RALGAPA1: variants seen among roughly 807,000 people sequenced by gnomAD.
RALGAPA1 encodes Ral GTPase activating protein catalytic subunit alpha 1.
RALGAPA1 carries 52 observed loss-of-function variants against 269.6 expected under a neutral mutation model. The ratio of observed to expected loss-of-function variants is 0.19; its 90% CI spans 0.15 to 0.24. RALGAPA1 has a LOEUF of 0.24. RALGAPA1 is among the 10% of genes least tolerant of loss of function. RALGAPA1 has a pLI of 1.00. For missense variants in RALGAPA1, 1,917 were observed against 3,013.9 expected (o/e 0.64, Z 8.52); for synonymous variants, 817 against 1,008.3 (o/e 0.81, Z 3.60).
At chr14:35,561,625 A>C (rs981253264) in intron 39 of RALGAPA1, among the ~76,000 whole-genome samples, 2 of 148,550 alleles carry the variant, frequency 1.3e-5, no homozygotes, top group Non-Finnish European at 3.0e-5. Flanking sequence ...CTCATCCCTC[A>C]AGCCTCCTGA....
intron 4 of RALGAPA1, among the ~76,000 whole-genome samples, chr14:35,765,116 C>T (rs998469908): frequency 3.5e-4 from 53 of 152,300 alleles, no homozygotes; most frequent in Middle Eastern, 3.4e-3. Context: ...AATGCCATCT[C>T]AATCATATTT....
Position 35,674,566 on chromosome 14 carries a change from G to A in RALGAPA1, c.4768C>T (p.His1590Tyr), listed in dbSNP as rs1282725586. Residue 1590 changes from histidine (H) to tyrosine (Y), a missense_variant, in exon 23 of 42, where the codon CAT (histidine) becomes TAT (tyrosine). Transcript: ENST00000680220. ...DVNSIMDPEI[H>Y]AQVFDYLCEL... ...CAGAGGTAATCAAAAACTTGAGCAT[G>A]TATTTCAGGATCCATGATTGAATTT... is the stretch of plus-strand genomic sequence containing the variant. 6.2e-7 allele frequency: 1 copy of A among 1,608,012 alleles called. No homozygotes were observed. Among genetic ancestry groups the A allele is most frequent in the Admixed American group, 1.7e-5 (1 of 59,014 alleles).
Position 35,789,916 on chromosome 14 carries a change from C to T in RALGAPA1, c.107-14171G>A, listed in dbSNP as rs578063128. Reference sequence around the variant, plus strand: ...CTCTGGGCCCATGAAGTAGTCACCACGAGCAAAGCTCACCCTCCTGAGTTG... The same window carrying T: ...CTCTGGGCCCATGAAGTAGTCACCATGAGCAAAGCTCACCCTCCTGAGTTG... On this transcript the variant is annotated intron_variant, in intron 1 of 41. Transcript: ENST00000680220. Among the ~76,000 whole-genome samples the T allele has an allele frequency of 4.6e-5, 7 of 152,230 alleles. 1 individual carries two copies. The South Asian group carries it at 6.2e-4, about 14-fold the overall frequency.
chr14:35,623,150 A>G (rs938461693), intron 35 of RALGAPA1, among the ~76,000 whole-genome samples: 11 of 152,134 alleles, frequency 7.2e-5, no homozygotes, highest in African/African-American at 2.4e-4. Context: ...TGATTTCAAG[A>G]CAGAACTGTT....
In RALGAPA1 at chr14:35,654,350, A is replaced by G. The variant is rs2063036538; in HGVS notation, c.5607+17T>C. On this transcript the variant is annotated intron_variant, in intron 30 of 41. Transcript: ENST00000680220. ...AAATTTAACAAGGTCATAATAAATA[A>G]ATGAGAAATTACTTACTTGAATAAT... 6.4e-7 allele frequency: 1 copy of G among 1,570,320 alleles called. No homozygotes were observed.
At chr14:35,739,285 TAA>T in intron 11 of RALGAPA1, among the ~76,000 whole-genome samples, 1 of 152,304 alleles carries the variant, frequency 6.6e-6, no homozygotes, top group South Asian at 2.1e-4. Context: ...TTTAAATAGT[TAA>T]GTTTTACAAA....
At chr14:35,665,575 T>C (rs1424907700) in intron 26 of RALGAPA1, among the ~76,000 whole-genome samples, 1 of 152,158 alleles carries the variant, frequency 6.6e-6, no homozygotes, top group African/African-American at 2.4e-5. Context: ...TCTGAATAAA[T>C]ACTGTAATAG....
At chr14:35,567,804 T>C (rs1193135035) in intron 39 of RALGAPA1, among the ~76,000 whole-genome samples, 9 of 152,260 alleles carry the variant, frequency 5.9e-5, no homozygotes, top group East Asian at 1.9e-4. Context: ...AAGAGGCAAA[T>C]AGAGTTTTGC....
In RALGAPA1 at chr14:35,786,501, G is replaced by C. The variant is rs561120464; in HGVS notation, c.107-10756C>G. 1.2e-3 allele frequency among the ~76,000 whole-genome samples: 183 copies of C among 152,082 alleles called. 1 individual carries two copies. Among genetic ancestry groups the C allele is most frequent in the Non-Finnish European group, 2.4e-3 (162 of 68,004 alleles). ...AAAATACAAAAAATTAGCCGGGCGT[G>C]CTGGCAGGCGCCTGTAGTCCCAGCT... On this transcript the variant is annotated intron_variant, in intron 1 of 41. Transcript: ENST00000680220.
chr14:35,678,078 T>C lies in RALGAPA1; in HGVS notation c.4496A>G (p.His1499Arg). 1 of 1,606,608 alleles carries C rather than the reference T, an allele frequency of 6.2e-7. No homozygotes were observed. The highest frequency in any genetic ancestry group is 8.5e-7 in the Non-Finnish European group (1 of 1,178,344). The stretch of plus-strand genomic sequence containing the variant: ...CTGTGACCTGGAGCCCAGAGGTGAG[T>C]GGACTGGGGAAGCACTTTCTGAACC... ...ITGSESASPV[H>R]SPLGSRSQTP... Residue 1499 changes from histidine (H) to arginine (R), a missense_variant, in exon 22 of 42, where the codon CAC (histidine) becomes CGC (arginine). Coordinates refer to ENST00000680220, the MANE Select transcript of RALGAPA1 (RefSeq NM_001346249.2).
chr14:35,742,590 A>G, intron 10 of RALGAPA1, 25 bp from the exon 11 acceptor site: 6 of 1,517,796 alleles, frequency 4.0e-6, no homozygotes, highest in Non-Finnish European at 5.5e-6. Flanking sequence ...GAGAATCAAG[A>G]TAATGATACT....
intron 39 of RALGAPA1, among the ~76,000 whole-genome samples, chr14:35,558,764 C>T (rs920991624): frequency 6.6e-6 from 1 of 152,134 alleles, no homozygotes; most frequent in Admixed American, 6.6e-5. Flanking sequence ...CAGTTTGCAA[C>T]TCGACAATGG....
chr14:35,687,765 T>C (rs1409664724), intron 18 of RALGAPA1, among the ~76,000 whole-genome samples: 1 of 152,192 alleles, frequency 6.6e-6, no homozygotes, highest in African/African-American at 2.4e-5. Flanking sequence ...TTTATGCACA[T>C]TTAAAATCTC....
chr14:35,652,596 A>G (rs4982300), intron 30 of RALGAPA1, among the ~76,000 whole-genome samples: 52,355 of 151,140 alleles, frequency 0.35, 12,465 homozygotes, highest in African/African-American at 0.67. Context: ...GTAGAGACGG[A>G]GTTTCAACAT....
intron 37 of RALGAPA1, among the ~76,000 whole-genome samples, chr14:35,574,802 T>C (rs1482992574): frequency 6.6e-6 from 1 of 152,160 alleles, no homozygotes; most frequent in Non-Finnish European, 1.5e-5. Flanking sequence ...ATTGATTTTA[T>C]TTATTCCTTA....
intron 1 of RALGAPA1, among the ~76,000 whole-genome samples, chr14:35,799,450 T>C (rs2076815262): frequency 6.6e-6 from 1 of 151,626 alleles, no homozygotes; most frequent in South Asian, 2.1e-4. Context: ...TAATCCCAGC[T>C]ACTTGGGAAG....
At chr14:35,764,550 TTTA>T (rs1329514120) in intron 4 of RALGAPA1, among the ~76,000 whole-genome samples, 1 of 152,226 alleles carries the variant, frequency 6.6e-6, no homozygotes, top group East Asian at 1.9e-4. Context: ...TATTTATTTA[TTTA>T]TTATCATTTT....
chr14:35,777,337 T>G (rs1268589473), intron 1 of RALGAPA1, among the ~76,000 whole-genome samples: 2 of 152,228 alleles, frequency 1.3e-5, no homozygotes, highest in Non-Finnish European at 2.9e-5. Flanking sequence ...TGCTTGCATG[T>G]ACTTATGCAT....
intron 16 of RALGAPA1, 141 bp from the exon 17 acceptor site, chr14:35,700,443 C>T (rs999728491): frequency 1.5e-4 from 83 of 548,572 alleles, no homozygotes; most frequent in Middle Eastern, 7.1e-4. Flanking sequence ...CATTTCAGCA[C>T]GGCAAATACT....
Sources: allele counts gnomAD v4.1 joint callset (sites outside exome capture counted in the v4.1 genomes callset), GRCh38; gene constraint gnomAD v4.1.1; transcripts MANE v1.5; gene names NCBI Gene and HGNC (gene_info 2026-07-23, HGNC 2026-07-21).